The following METTL15 variants were observed in gnomAD, a reference collection of about 807,000 sequenced individuals.
The protein encoded by METTL15 is 12S rRNA N(4)-cytidine methyltransferase METTL15.
METTL15 carries 34 observed loss-of-function variants against 38.3 expected under a neutral mutation model. The observed-to-expected ratio is 0.89, with a 90% CI of 0.68 to 1.18. The LOEUF (loss-of-function observed/expected upper bound fraction) is 1.18, where lower values mean the gene tolerates loss of function less well. Ranked by LOEUF, METTL15 falls within the 50% of genes most tolerant of loss-of-function variation. The pLI is 0.00. For missense variants in METTL15, 438 were observed against 498.4 expected, an observed-to-expected ratio of 0.88 and a Z score of 1.15; for synonymous variants, 162 against 170.9, an observed-to-expected ratio of 0.95 and a Z score of 0.41.
chr11:28,280,610 CT>C (rs985132523), intron 4 of METTL15, among the ~76,000 whole-genome samples: 18 of 148,702 alleles, frequency 1.2e-4, no homozygotes, highest in African/African-American at 2.4e-4. Context: ...TCTTTCTTTC[CT>C]CTTTTTTGGA....
At chr11:28,261,636 A>G (rs1320183282) in intron 4 of METTL15, 4 of 152,164 alleles carry the variant, frequency 2.6e-5, no homozygotes, top group Non-Finnish European at 5.9e-5. Context: ...AATATTTTAT[A>G]TTTTATACCA....
chr11:28,516,641 A>C (rs1376931136), intron 6 of METTL15, among the ~76,000 whole-genome samples: 1 of 152,196 alleles, frequency 6.6e-6, no homozygotes, highest in Non-Finnish European at 1.5e-5. Flanking sequence ...TTAATGGAGG[A>C]GATAAACACA....
At chr11:28,509,542 A>C (rs1431799924) in intron 6 of METTL15, among the ~76,000 whole-genome samples, 1 of 151,308 alleles carries the variant, frequency 6.6e-6, no homozygotes, top group Non-Finnish European at 1.5e-5. Flanking sequence ...TTGCCTTTAC[A>C]TCCCAGATGT....
At chr11:28,454,600 G>A (rs1213462505) in intron 6 of METTL15, among the ~76,000 whole-genome samples, 2 of 152,144 alleles carry the variant, frequency 1.3e-5, no homozygotes, top group Non-Finnish European at 2.9e-5. Flanking sequence ...TGAGAGTCCA[G>A]GTTTCCGTCT....
chr11:28,109,163 T>C (rs1316802422), intron 1 of METTL15, among the ~76,000 whole-genome samples: 3 of 152,218 alleles, frequency 2.0e-5, no homozygotes, highest in African/African-American at 7.2e-5. Flanking sequence ...ACCTCTGTAT[T>C]ATGGACATTT....
intron 3 of METTL15, among the ~76,000 whole-genome samples, chr11:28,345,740 C>G (rs1849990713): frequency 6.6e-6 from 1 of 152,068 alleles, no homozygotes; most frequent in South Asian, 2.1e-4. Context: ...CAAAACAGAC[C>G]TTTGTACCTA....
intron 4 of METTL15, among the ~76,000 whole-genome samples, chr11:28,217,456 T>C (rs1412966383): frequency 2.6e-5 from 4 of 152,310 alleles, no homozygotes; most frequent in South Asian, 2.1e-4. Context: ...TTCTGGATAT[T>C]AGCCCTTTGT....
chr11:28,423,023 T>G (rs995484051), intron 5 of METTL15, among the ~76,000 whole-genome samples: 2 of 151,860 alleles, frequency 1.3e-5, no homozygotes, highest in Non-Finnish European at 2.9e-5. Context: ...ATAATCCAAT[T>G]TTTAAAATGG....
intron 6 of METTL15, chr11:28,516,887 G>A (rs1167853660): frequency 6.6e-6 from 1 of 152,172 alleles, no homozygotes; most frequent in African/African-American, 2.4e-5. Flanking sequence ...GCAGTGATTT[G>A]GAGGAAATTA....
chr11:28,238,706 G>C (rs748804154), intron 4 of METTL15, among the ~76,000 whole-genome samples: 1 of 152,188 alleles, frequency 6.6e-6, no homozygotes, highest in East Asian at 1.9e-4. Flanking sequence ...CGTCGCTCAC[G>C]CTGGGAGCTA....
intron 5 of METTL15, among the ~76,000 whole-genome samples, chr11:28,395,514 T>C (rs543606090): frequency 6.6e-6 from 1 of 152,088 alleles, no homozygotes; most frequent in South Asian, 2.1e-4. Flanking sequence ...GAAGAAATGG[T>C]TAAATTCCTG....
intron 4 of METTL15, among the ~76,000 whole-genome samples, chr11:28,258,395 T>A (rs1360832392): frequency 6.6e-6 from 1 of 152,084 alleles, no homozygotes; most frequent in Non-Finnish European, 1.5e-5. Flanking sequence ...CTGCCTATGT[T>A]CACTTCAGGC....
intron 3 of METTL15, chr11:28,123,896 A>G: frequency 6.8e-7 from 1 of 1,467,062 alleles, no homozygotes; most frequent in Non-Finnish European, 9.1e-7. Context: ...TAATATATTC[A>G]TAAAGATGGA....
At chr11:28,403,999 C>A (rs554600561) in intron 5 of METTL15, among the ~76,000 whole-genome samples, 4 of 151,796 alleles carry the variant, frequency 2.6e-5, no homozygotes, top group African/African-American at 9.7e-5. Context: ...TAACTTAGAC[C>A]ACTGTGTTCA....
intron 5 of METTL15, among the ~76,000 whole-genome samples, chr11:28,386,116 C>G (rs1392501144): frequency 6.6e-6 from 1 of 151,778 alleles, no homozygotes. Flanking sequence ...AGAAGATATA[C>G]ACAGAAAACG....
chr11:28,360,982 A>G (rs1255535621), intron 4 of METTL15, among the ~76,000 whole-genome samples: 4 of 152,118 alleles, frequency 2.6e-5, no homozygotes, highest in African/African-American at 9.7e-5. Flanking sequence ...TACAAAGGAC[A>G]TGAACTCATC....
intron 5 of METTL15, among the ~76,000 whole-genome samples, chr11:28,293,122 T>A (rs1856586861): frequency 1.3e-5 from 2 of 152,236 alleles, no homozygotes; most frequent in Non-Finnish European, 2.9e-5. Context: ...AGACATGAAG[T>A]CCTTACCCAT....
Position 28,339,480 on chromosome 11 carries a change from A to T in METTL15, c.*190-12610A>T, listed in dbSNP as rs1335046572. On this transcript the variant is annotated intron_variant and NMD_transcript_variant, in intron 3 of 7. Coordinates refer to the METTL15 transcript ENST00000532947. ...ACAACTAAAAATCATCAACTAAAAG[A>T]TATTTCAGAAGGAAATATCTAGAGT... Among the ~76,000 whole-genome samples, 6 of 151,666 alleles carry T rather than the reference A, an allele frequency of 4.0e-5. No homozygotes were observed. The East Asian group carries it at 9.7e-4, about 24-fold the overall frequency.
intron 4 of METTL15, among the ~76,000 whole-genome samples, chr11:28,245,872 A>G (rs538258077): frequency 6.6e-6 from 1 of 152,150 alleles, no homozygotes; most frequent in South Asian, 2.1e-4. Flanking sequence ...AGAACTCACT[A>G]TCATGAGAAC....
Sources: allele counts gnomAD v4.1 joint callset (sites outside exome capture counted in the v4.1 genomes callset), GRCh38; gene constraint gnomAD v4.1.1; transcripts MANE v1.5; gene names NCBI Gene and HGNC (gene_info 2026-07-23, HGNC 2026-07-21).